Variants in IFT56 observed in about 807,000 individuals in gnomAD.
The protein encoded by IFT56 is intraflagellar transport protein 56.
At chr7:139,189,758 C>T in the IFT56 span, 1 of 166,942 alleles carries the variant, frequency 6.0e-6, no homozygotes, top group Non-Finnish European at 1.3e-5. Flanking sequence ...CATTTTATGG[C>T]ATTGTCTCCT....
At chr7:139,177,698 G>T in the IFT56 span, among the ~76,000 whole-genome samples, 1 of 151,246 alleles carries the variant, frequency 6.6e-6, no homozygotes, top group African/African-American at 2.4e-5. Context: ...AATTAAACAG[G>T]ATAAGGAGCC....
At chr7:139,154,886 A>G in the IFT56 span, among the ~76,000 whole-genome samples, 1 of 152,154 alleles carries the variant, frequency 6.6e-6, no homozygotes, top group African/African-American at 2.4e-5. Flanking sequence ...TTGGATTCTG[A>G]TAGGGATTGC....
the IFT56 span, chr7:139,189,288 G>T: frequency 1.4e-6 from 2 of 1,462,446 alleles, no homozygotes; most frequent in South Asian, 1.2e-5. Flanking sequence ...ATTCTTCATT[G>T]AAACACTTTG....
the IFT56 span, among the ~76,000 whole-genome samples, chr7:139,185,631 A>G: frequency 2.0e-5 from 3 of 152,044 alleles, no homozygotes; most frequent in Admixed American, 1.3e-4. Flanking sequence ...CATAAAAGTC[A>G]GAAGAGTAGT....
At chr7:139,161,130 A>C in the IFT56 span, 47 of 944,578 alleles carry the variant, frequency 5.0e-5, no homozygotes, top group Non-Finnish European at 7.2e-5. Context: ...GTAATGCTTT[A>C]CTCCAAGGGA....
At chr7:139,157,630 A>G in the IFT56 span, among the ~76,000 whole-genome samples, 2 of 151,210 alleles carry the variant, frequency 1.3e-5, no homozygotes, top group African/African-American at 4.9e-5. Flanking sequence ...CAGCCTCCCA[A>G]GTAGCTGGGA....
the IFT56 span, chr7:139,165,155 G>C: frequency 3.7e-6 from 6 of 1,613,232 alleles, no homozygotes; most frequent in African/African-American, 6.7e-5. Context: ...GAGGTGAAGG[G>C]GCTTTGCAGG....
the IFT56 span, chr7:139,191,353 A>C: frequency 6.6e-6 from 1 of 152,200 alleles, no homozygotes; most frequent in African/African-American, 2.4e-5. Context: ...TAATTTTTAG[A>C]ATCACTCTTG....
At chr7:139,180,726 A>G in the IFT56 span, among the ~76,000 whole-genome samples, 1 of 152,012 alleles carries the variant, frequency 6.6e-6, no homozygotes, top group Non-Finnish European at 1.5e-5. Flanking sequence ...AAAAAATTAA[A>G]TGTTTACTGA....
At chr7:139,134,008 G>A in the IFT56 span, 1 of 951,576 alleles carries the variant, frequency 1.1e-6, no homozygotes. Flanking sequence ...GGACAGGGAT[G>A]CAACTGTAAA....
At chr7:139,181,872 C>T in the IFT56 span, among the ~76,000 whole-genome samples, 1 of 152,124 alleles carries the variant, frequency 6.6e-6, no homozygotes, top group East Asian at 1.9e-4. Context: ...TATATGCTGC[C>T]CATCACTGAT....
At chr7:139,173,915 A>G in the IFT56 span, 2 of 707,866 alleles carry the variant, frequency 2.8e-6, no homozygotes, top group Non-Finnish European at 5.3e-6. Context: ...CTTTCACTTC[A>G]GTCTTTTCTT....
At chr7:139,160,227 T>G in the IFT56 span, among the ~76,000 whole-genome samples, 1 of 152,162 alleles carries the variant, frequency 6.6e-6, no homozygotes, top group Non-Finnish European at 1.5e-5. Flanking sequence ...CAGAAAAGCT[T>G]AGCAACCCAC....
the IFT56 span, among the ~76,000 whole-genome samples, chr7:139,160,294 A>C: frequency 6.6e-6 from 1 of 152,224 alleles, no homozygotes; most frequent in African/African-American, 2.4e-5. Context: ...TTTCAGATTA[A>C]AGAATCAACC....
the IFT56 span, among the ~76,000 whole-genome samples, chr7:139,164,533 G>A: frequency 1.3e-5 from 2 of 152,072 alleles, no homozygotes; most frequent in South Asian, 4.1e-4. Flanking sequence ...TAATTTAAAT[G>A]TTTGTGAGTA....
At chr7:139,187,995 CTT>C in the IFT56 span, among the ~76,000 whole-genome samples, 1 of 150,764 alleles carries the variant, frequency 6.6e-6, no homozygotes, top group Non-Finnish European at 1.5e-5. Flanking sequence ...GTTGATAACT[CTT>C]TTGTTTTCTT....
the IFT56 span, among the ~76,000 whole-genome samples, chr7:139,177,306 G>T: frequency 1.3e-5 from 2 of 150,462 alleles, no homozygotes; most frequent in African/African-American, 4.9e-5. Flanking sequence ...CCAACTTTTT[G>T]CCTGATATCA....
chr7:139,173,365 A>C, the IFT56 span: 1 of 483,492 alleles, frequency 2.1e-6, no homozygotes, highest in African/African-American at 2.0e-5. Context: ...GTAGCTGGGG[A>C]TTACAGGCTC....
At chr7:139,179,871 T>C in the IFT56 span, among the ~76,000 whole-genome samples, 1 of 152,234 alleles carries the variant, frequency 6.6e-6, no homozygotes, top group African/African-American at 2.4e-5. Flanking sequence ...AGCATTGACC[T>C]AGTACTTATA....
Sources: gnomAD v4.1 joint callset for allele counts (sites outside exome capture counted in the v4.1 genomes callset) on GRCh38, gnomAD v4.1.1 for gene constraint, MANE v1.5 for transcripts, NCBI Gene and HGNC (gene_info 2026-07-23, HGNC 2026-07-21) for gene names.